The following RAD21L1 variants were observed in gnomAD, a reference collection of about 807,000 sequenced individuals.
RAD21L1 encodes the protein RAD21 cohesin complex component like 1.
Under a neutral mutation model 69.0 loss-of-function variants are expected in RAD21L1, and 47 were observed. The ratio of observed to expected loss-of-function variants is 0.68; its 90% CI spans 0.54 to 0.87. RAD21L1 has a LOEUF of 0.87. Ranked by LOEUF, RAD21L1 falls within the 40% of genes least tolerant of loss-of-function variation. The pLI is 0.00. For missense variants in RAD21L1, 583 were observed against 647.6 expected, an observed-to-expected ratio of 0.90 and a Z score of 1.08; for synonymous variants, 177 against 205.8, an observed-to-expected ratio of 0.86 and a Z score of 1.20.
rs1012292493 is a variant in RAD21L1, at chr20:1,254,854, A to G, written c.*397A>G. Reference sequence around the variant, plus strand: ...TTTTTAACTTAGCTGATTTGAATATATAGCATTTATCATTTCCCTGATTTG... The same window carrying G: ...TTTTTAACTTAGCTGATTTGAATATGTAGCATTTATCATTTCCCTGATTTG... On this transcript the variant is annotated 3_prime_UTR_variant, in exon 14 of 14. Transcript: ENST00000683101. Among the ~76,000 whole-genome samples the G allele has an allele frequency of 4.6e-5, 7 of 152,208 alleles. No individual in the cohort carries two copies. The highest frequency in any genetic ancestry group is 8.8e-5 in the Non-Finnish European group (6 of 68,046).
intron 8 of RAD21L1, 58 bp downstream of exon 8, chr20:1,240,492 T>G: frequency 6.7e-7 from 1 of 1,495,074 alleles, no homozygotes; most frequent in East Asian, 2.6e-5. Context: ...TTATTTACTT[T>G]GAGATGTTTG....
Position 1,243,153 on chromosome 20 carries a change from G to A in RAD21L1, c.1140G>A (p.Gln380=). 6.5e-7 allele frequency: 1 copy of A among 1,539,370 alleles called. No individual in the cohort carries two copies. Among genetic ancestry groups the A allele is most frequent in the Non-Finnish European group, 8.8e-7 (1 of 1,141,482 alleles). ...TTAAACTTGGAAGAAAAATGATACAGAAGGAGTCAGTAAGGGAAGAAGTGG... is the reference window on the plus strand; with the variant it reads ...TTAAACTTGGAAGAAAAATGATACAAAAGGAGTCAGTAAGGGAAGAAGTGG... ...SGFKLGRKMI[Q]KESVREEVGN... is the part of the protein sequence containing the mutation. The change falls in exon 10 of 14, where the codon CAG becomes CAA. Residue 380 remains glutamine (Q), a synonymous_variant. Coordinates refer to ENST00000683101, the MANE Select transcript of RAD21L1 (RefSeq NM_001384355.1).
intron 13 of RAD21L1, 71 bp from the exon 14 acceptor site, chr20:1,254,198 C>T: frequency 2.0e-6 from 2 of 1,014,084 alleles, no homozygotes; most frequent in Non-Finnish European, 1.4e-6. Context: ...GTTTATTACG[C>T]ATTTATAGCC....
At chr20:1,252,728 T>A (rs1166493071) in intron 13 of RAD21L1, among the ~76,000 whole-genome samples, 2 of 150,732 alleles carry the variant, frequency 1.3e-5, no homozygotes, top group Non-Finnish European at 3.0e-5. Context: ...CCCCAGTTTA[T>A]GACACACTGA....
At position 1,238,230 on chromosome 20, in the gene RAD21L1, A is replaced by T. The variant is rs1210461595; in HGVS notation, c.646+16A>T. ...GAAATGATTGGTATGCTATCTGGTC[A>T]TGTGGAAATAAAATATTTATTTTCA... On this transcript the variant is annotated intron_variant, in intron 6 of 13. Transcript: ENST00000683101. 1 of 1,418,240 alleles carries T rather than the reference A, an allele frequency of 7.1e-7. No homozygotes were observed. The highest frequency in any genetic ancestry group is 9.4e-7 in the Non-Finnish European group (1 of 1,065,732). 87.9% of individuals were successfully genotyped at this position (1,418,240 alleles called of 1,614,324 possible).
chr20:1,235,479 T>A (rs1173334593), intron 5 of RAD21L1, among the ~76,000 whole-genome samples: 1 of 152,242 alleles, frequency 6.6e-6, no homozygotes, highest in Non-Finnish European at 1.5e-5. Context: ...ATTAAAAATT[T>A]AAAAATCAAA....
chr20:1,241,229 C>G (rs1248060156), intron 8 of RAD21L1, among the ~76,000 whole-genome samples: 1 of 152,164 alleles, frequency 6.6e-6, no homozygotes, highest in Non-Finnish European at 1.5e-5. Context: ...TTTTAAGAAG[C>G]TTAGAAAACA....
chr20:1,243,028 G>C (rs2087647401), intron 9 of RAD21L1, 69 bp from the exon 10 acceptor site: 3 of 1,038,014 alleles, frequency 2.9e-6, no homozygotes, highest in African/African-American at 3.3e-5. Flanking sequence ...TTTTAGATAT[G>C]TGCTTGTGTT....
At chr20:1,226,412 C>T (rs202040875) in intron 1 of RAD21L1, 1 of 152,440 alleles carries the variant, frequency 6.6e-6, no homozygotes, top group East Asian at 1.9e-4. Flanking sequence ...AGCACCCGGC[C>T]CGGAACTCTG....
At chr20:1,248,761 C>A in intron 13 of RAD21L1, 58 bp downstream of exon 13, 1 of 972,370 alleles carries the variant, frequency 1.0e-6, no homozygotes, top group Non-Finnish European at 1.5e-6. Context: ...TAAATACTGA[C>A]TTCAAGCTTC....
chr20:1,237,091 G>A (rs913022944), intron 5 of RAD21L1, among the ~76,000 whole-genome samples: 2 of 152,080 alleles, frequency 1.3e-5, no homozygotes, highest in Admixed American at 1.3e-4. Context: ...AGAAGATTTA[G>A]GTCTATAGAA....
At chr20:1,251,585 C>T (rs1323001330) in intron 13 of RAD21L1, among the ~76,000 whole-genome samples, 5 of 151,780 alleles carry the variant, frequency 3.3e-5, no homozygotes, top group Non-Finnish European at 5.9e-5. Flanking sequence ...TATGTTTTGT[C>T]TTCCTGAAGG....
At chr20:1,248,483 A>C (rs1470778988) in intron 12 of RAD21L1, 143 bp from the exon 13 acceptor site, 36 of 492,122 alleles carry the variant, frequency 7.3e-5, no homozygotes, top group Non-Finnish European at 7.3e-5. Context: ...TCTTTTTATA[A>C]ATAATAAAGA....
At position 1,242,883 on chromosome 20, in the gene RAD21L1, G is replaced by A. The variant is rs983586443; in HGVS notation, c.1083+38G>A. 6 of 1,244,398 alleles carry A rather than the reference G, an allele frequency of 4.8e-6. No homozygotes were observed. The African/African-American group carries it at 6.0e-5, about 12-fold the overall frequency. The allele number at this position is 1,244,398 out of a possible 1,614,324, so 77.1% of individuals were successfully genotyped here. A position where few individuals can be genotyped will look rare whatever the true frequency, so the allele number is the denominator to read the frequency against. ...ACCCTTCTACATGTGAGCAATGTCTGGTTATAAATAAATAATAAATAAATA... is the reference window on the plus strand; with the variant it reads ...ACCCTTCTACATGTGAGCAATGTCTAGTTATAAATAAATAATAAATAAATA... On this transcript the variant is annotated intron_variant, in intron 9 of 13. Coordinates refer to ENST00000683101, the MANE Select transcript of RAD21L1 (RefSeq NM_001384355.1).
intron 7 of RAD21L1, 55 bp from the exon 8 acceptor site, chr20:1,240,266 A>T (rs981684159): frequency 1.3e-6 from 2 of 1,499,102 alleles, no homozygotes; most frequent in African/African-American, 2.8e-5. Context: ...ACAGTCCTCT[A>T]GCCTGCATCC....
At position 1,234,086 on chromosome 20, in the gene RAD21L1, G is replaced by A. The variant is rs2087447964; in HGVS notation, c.370G>A (p.Ala124Thr). 7.6e-6 allele frequency: 11 copies of A among 1,441,832 alleles called. No homozygotes were observed. The highest frequency in any genetic ancestry group is 1.0e-5 in the Non-Finnish European group (11 of 1,050,488). 89.3% of individuals were successfully genotyped at this position (1,441,832 alleles called of 1,614,324 possible). A position where few individuals can be genotyped will look rare whatever the true frequency, so the allele number is the denominator to read the frequency against. The change falls in exon 5 of 14, where the codon GCT becomes ACT. Residue 124 changes from alanine to threonine, a missense_variant and splice_region_variant. Physicochemically the swap from Ala to Thr is moderately conservative, Grantham distance 58. Coordinates refer to ENST00000683101, the MANE Select transcript of RAD21L1 (RefSeq NM_001384355.1). ...FHDFDTQNMN[A>T]IDVSEHFTQN... is the part of the protein sequence containing the mutation. ...TCTCAACCTTCTATTTCTCCATAGTGCTATTGATGTTTCAGAACACTTTAC... is the reference window on the plus strand; with the variant it reads ...TCTCAACCTTCTATTTCTCCATAGTACTATTGATGTTTCAGAACACTTTAC...
chr20:1,248,294 C>T (rs1461914098), intron 12 of RAD21L1, among the ~76,000 whole-genome samples: 1 of 152,010 alleles, frequency 6.6e-6, no homozygotes, highest in East Asian at 1.9e-4. Flanking sequence ...ACTAGGATAA[C>T]CCTAGGCAAA....
In RAD21L1 at chr20:1,230,017, T is replaced by C. The variant is rs1297602375; in HGVS notation, c.274+8T>C. Reference sequence around the variant, plus strand: ...AGATGACATTTTGCCCAGGTATACATGTAATATTGATTTGTCTCCTTCTTG... The same window carrying C: ...AGATGACATTTTGCCCAGGTATACACGTAATATTGATTTGTCTCCTTCTTG... On this transcript the variant is annotated splice_region_variant and intron_variant, in intron 3 of 13. Coordinates refer to ENST00000683101, the MANE Select transcript of RAD21L1 (RefSeq NM_001384355.1). 5.9e-6 allele frequency: 9 copies of C among 1,537,298 alleles called. No homozygotes were observed. Among genetic ancestry groups the C allele is most frequent in the Non-Finnish European group, 6.2e-6 (7 of 1,137,020 alleles).
In RAD21L1 at chr20:1,231,636, A is replaced by T; in HGVS notation, c.368+17A>T. ...AAATATGAAGTAAAATATTTTATTT[A>T]TTTTCCTTCGATTTAATTTTCTTGA... On this transcript the variant is annotated intron_variant, in intron 4 of 13. Coordinates refer to ENST00000683101, the MANE Select transcript of RAD21L1 (RefSeq NM_001384355.1). 1 of 1,194,850 alleles carries T rather than the reference A, an allele frequency of 8.4e-7. No homozygotes were observed. The highest frequency in any genetic ancestry group is 1.2e-6 in the Non-Finnish European group (1 of 840,252). The allele number at this position is 1,194,850 out of a possible 1,614,324, so 74.0% of individuals were successfully genotyped here.
Sources: gnomAD v4.1 joint callset for allele counts (sites outside exome capture counted in the v4.1 genomes callset) on GRCh38, gnomAD v4.1.1 for gene constraint, MANE v1.5 for transcripts, NCBI Gene and HGNC (gene_info 2026-07-23, HGNC 2026-07-21) for gene names.